Variants in PTPRT observed in about 807,000 individuals in gnomAD.
The protein encoded by PTPRT is protein tyrosine phosphatase receptor type T.
PTPRT carries 56 observed loss-of-function variants against 176.8 expected under a neutral mutation model. The ratio of observed to expected loss-of-function variants is 0.32; its 90% CI spans 0.26 to 0.40. The LOEUF (loss-of-function observed/expected upper bound fraction) is 0.40. Among genes scored for constraint, PTPRT ranks in the 10% least tolerant of loss-of-function variants. The pLI is 1.00. For synonymous variants in PTPRT, 783 were observed against 739.0 expected (o/e 1.06, Z -0.96); for missense variants, 1,540 against 1,908.2 (o/e 0.81, Z 3.60).
At chr20:42,165,440 C>A (rs937219708) in intron 16 of PTPRT, among the ~76,000 whole-genome samples, 8 of 152,122 alleles carry the variant, frequency 5.3e-5, no homozygotes, top group Non-Finnish European at 1.2e-4. Flanking sequence ...AAGAGACAGG[C>A]CCCTAAGAGA....
intron 2 of PTPRT, among the ~76,000 whole-genome samples, chr20:42,842,225 A>T (rs2145729434): frequency 6.6e-6 from 1 of 152,300 alleles, no homozygotes; most frequent in Middle Eastern, 3.4e-3. Flanking sequence ...AGTGGTTTTT[A>T]TGGTGGCTGC....
chr20:42,718,832 A>G (rs999596344), intron 6 of PTPRT, among the ~76,000 whole-genome samples: 1 of 152,154 alleles, frequency 6.6e-6, no homozygotes, highest in South Asian at 2.1e-4. Flanking sequence ...CATTTTTATT[A>G]TTCTTCAAAA....
chr20:43,044,275 A>T (rs970727910), intron 1 of PTPRT, among the ~76,000 whole-genome samples: 4 of 152,126 alleles, frequency 2.6e-5, no homozygotes, highest in Non-Finnish European at 4.4e-5. Flanking sequence ...ACCAGAGGGC[A>T]GTTGACCAGG....
chr20:42,695,812 G>A lies in PTPRT; in HGVS notation c.860-17653C>T, dbSNP rs2425532. On this transcript the variant is annotated intron_variant, in intron 6 of 30. Transcript: ENST00000373187. ...CTTTTACTACTGTAAATCTTCAAAGGGCTAAAACTTGATATCTCTCATGCA... is the reference window on the plus strand; with the variant it reads ...CTTTTACTACTGTAAATCTTCAAAGAGCTAAAACTTGATATCTCTCATGCA... Among the ~76,000 whole-genome samples, 4 of 152,198 alleles carry A rather than the reference G, an allele frequency of 2.6e-5. No individual in the cohort carries two copies. The South Asian group carries it at 8.3e-4, about 32-fold the overall frequency.
intron 9 of PTPRT, among the ~76,000 whole-genome samples, chr20:42,425,811 A>G (rs1033785478): frequency 6.6e-6 from 1 of 152,216 alleles, no homozygotes; most frequent in Non-Finnish European, 1.5e-5. Context: ...GCAAGCAGAC[A>G]TTATCCCAGC....
chr20:42,344,549 T>C lies in PTPRT; in HGVS notation c.1865+6079A>G, dbSNP rs1472277678. 9.2e-5 allele frequency among the ~76,000 whole-genome samples: 14 copies of C among 152,164 alleles called. No homozygotes were observed. The East Asian group carries it at 1.2e-3, about 13-fold the overall frequency. On this transcript the variant is annotated intron_variant, in intron 11 of 30. Coordinates refer to ENST00000373187, the MANE Select transcript of PTPRT (RefSeq NM_007050.6). ...CAAGGCACTGACAGAGGGATGACCA[T>C]GACAGAGTGGCAACTCAGAAGGAGC...
rs757562149 is a variant in PTPRT at position 42,161,483 on chromosome 20, G to C, written c.2551C>G (p.Arg851Gly). ...CTCATCTCCACAGGGTCACAGGTGC[G>C]GTAGGGATGAGTCTGGATCGTGAGG... Reference protein sequence around the residue: ...PTLTIQTHPYRTCDPVEMSYP... With the variant: ...PTLTIQTHPYGTCDPVEMSYP... Residue 851 changes from arginine to glycine, a missense_variant, in exon 17 of 31, where the codon CGC becomes GGC. This residue lies in a region of PTPRT where 255 missense variants were observed against 250.1 expected (regional missense o/e 1.02). Transcript: ENST00000373187. The C allele has an allele frequency of 1.2e-6, 2 of 1,614,060 alleles. No homozygotes were observed. Among genetic ancestry groups the C allele is most frequent in the African/African-American group, 1.3e-5 (1 of 75,038 alleles).
chr20:42,356,893 T>A (rs2058366104), intron 9 of PTPRT, among the ~76,000 whole-genome samples: 1 of 152,160 alleles, frequency 6.6e-6, no homozygotes, highest in Non-Finnish European at 1.5e-5. Flanking sequence ...CCACAGGAAC[T>A]TGCACCAGCT....
chr20:42,221,456 G>A (rs1230885878), intron 15 of PTPRT, among the ~76,000 whole-genome samples: 1 of 152,076 alleles, frequency 6.6e-6, no homozygotes, highest in African/African-American at 2.4e-5. Context: ...TTACAATCAT[G>A]ACAGAAAGCA....
At chr20:43,114,479 A>C (rs1478872183) in intron 1 of PTPRT, among the ~76,000 whole-genome samples, 1 of 152,224 alleles carries the variant, frequency 6.6e-6, no homozygotes, top group Non-Finnish European at 1.5e-5. Context: ...TAATATATCT[A>C]AAGTCCCTGG....
intron 16 of PTPRT, among the ~76,000 whole-genome samples, chr20:42,171,003 C>T (rs375810418): frequency 1.1e-4 from 17 of 152,132 alleles, no homozygotes; most frequent in East Asian, 1.9e-4. Flanking sequence ...TCAGAAACTA[C>T]GTTACTCATA....
chr20:42,505,906 T>C (rs569895329), intron 7 of PTPRT, among the ~76,000 whole-genome samples: 2 of 152,308 alleles, frequency 1.3e-5, no homozygotes, highest in East Asian at 3.9e-4. Context: ...ACTTTGTTCA[T>C]TGTCCTTTTT....
chr20:42,542,110 G>A (rs2072594054), intron 7 of PTPRT, among the ~76,000 whole-genome samples: 1 of 152,156 alleles, frequency 6.6e-6, no homozygotes, highest in Non-Finnish European at 1.5e-5. Context: ...AAGGTAAGTT[G>A]TGTCTTTGCT....
chr20:42,595,209 C>T (rs1055729857), intron 7 of PTPRT, among the ~76,000 whole-genome samples: 12 of 152,098 alleles, frequency 7.9e-5, no homozygotes, highest in African/African-American at 2.7e-4. Context: ...GGAGATACTG[C>T]ATGCACCTCT....
In PTPRT at chr20:42,426,187, C is replaced by A. The variant is rs111546963; in HGVS notation, c.1560+22033G>T. Among the ~76,000 whole-genome samples the A allele has an allele frequency of 2.7e-3, 406 of 152,156 alleles. 4 individuals carry two copies. Among genetic ancestry groups the A allele is most frequent in the African/African-American group, 9.2e-3 (382 of 41,526 alleles). On this transcript the variant is annotated intron_variant, in intron 9 of 30. Coordinates refer to ENST00000373187, the MANE Select transcript of PTPRT (RefSeq NM_007050.6). ...GGGAACAGGCATTCCTCTTTTCATG[C>A]CCAAATGTGGCCTTTTGGCTCACCA...
chr20:42,362,243 G>A (rs979434416), intron 9 of PTPRT, among the ~76,000 whole-genome samples: 3 of 151,968 alleles, frequency 2.0e-5, no homozygotes, highest in Admixed American at 6.6e-5. Flanking sequence ...CTCCAGCTTC[G>A]GTGACAGAGT....
the PTPRT span, among the ~76,000 whole-genome samples, chr20:42,056,739 T>C: frequency 6.6e-6 from 1 of 152,204 alleles, no homozygotes; most frequent in South Asian, 2.1e-4. Flanking sequence ...ATACAATTTA[T>C]CATCCAAATT....
At chr20:43,121,273 T>A (rs1464746867) in intron 1 of PTPRT, among the ~76,000 whole-genome samples, 1 of 152,226 alleles carries the variant, frequency 6.6e-6, no homozygotes, top group Non-Finnish European at 1.5e-5. Context: ...TTGGGGTTGT[T>A]TCCAGTCTTT....
chr20:42,607,775 A>C (rs2073904745), intron 7 of PTPRT, among the ~76,000 whole-genome samples: 1 of 152,122 alleles, frequency 6.6e-6, no homozygotes, highest in African/African-American at 2.4e-5. Context: ...GGGGAGCCTG[A>C]ATGAGCAGGC....
Sources: gnomAD v4.1 joint callset for allele counts (sites outside exome capture counted in the v4.1 genomes callset) on GRCh38, gnomAD v4.1.1 for gene constraint, gnomAD v4.1.1 regional missense constraint, MANE v1.5 for transcripts, NCBI Gene and HGNC (gene_info 2026-07-23, HGNC 2026-07-21) for gene names.